SPIN1: variants seen among roughly 807,000 people sequenced by gnomAD.
SPIN1 encodes spindlin 1.
SPIN1 carries 3 observed loss-of-function variants against 26.0 expected under a neutral mutation model. The observed-to-expected ratio is 0.12, with a 90% CI of 0.05 to 0.30. SPIN1 has a LOEUF of 0.30. SPIN1 is among the 10% of genes least tolerant of loss of function. The pLI, the probability that SPIN1 is intolerant of heterozygous loss-of-function variation, is 1.00. For synonymous variants in SPIN1, 101 were observed against 116.5 expected (o/e 0.87, Z 0.86); for missense variants, 126 against 333.4 (o/e 0.38, Z 4.84).
intron 4 of SPIN1, among the ~76,000 whole-genome samples, chr9:88,464,052 C>A (rs1239705792): frequency 6.6e-6 from 1 of 152,128 alleles, no homozygotes; most frequent in African/African-American, 2.4e-5. Flanking sequence ...AGAAACTGTA[C>A]AAGTATCTCT....
At position 88,389,094 on chromosome 9, in the gene SPIN1, C is replaced by T. The variant is rs377721901; in HGVS notation, c.-159+556C>T. 1.3e-3 allele frequency among the ~76,000 whole-genome samples: 193 copies of T among 152,158 alleles called. 5 individuals are homozygous for T. The South Asian group carries it at 0.036, about 29-fold the overall frequency. ...GCCCTGGGGCCACCCCTCCCAGGCC[C>T]GGGGGATGGCCGCGGACCTTGTAAG... On this transcript the variant is annotated intron_variant, in intron 1 of 5. Transcript: ENST00000375859.
intron 2 of SPIN1, among the ~76,000 whole-genome samples, chr9:88,430,983 A>G (rs1176517708): frequency 6.6e-6 from 1 of 151,720 alleles, no homozygotes; most frequent in East Asian, 1.9e-4. Flanking sequence ...CCCAGGTTCA[A>G]GTGATTCTGC....
chr9:88,465,966 A>C (rs1490746040), intron 4 of SPIN1, among the ~76,000 whole-genome samples: 1 of 152,224 alleles, frequency 6.6e-6, no homozygotes, highest in Non-Finnish European at 1.5e-5. Flanking sequence ...GAGATTTGCA[A>C]AAATGTAAAA....
intron 2 of SPIN1, among the ~76,000 whole-genome samples, chr9:88,444,632 A>C (rs1055633841): frequency 1.3e-5 from 2 of 150,796 alleles, no homozygotes; most frequent in African/African-American, 4.9e-5. Context: ...AGGGATAGTG[A>C]TGGTGGTCAC....
At chr9:88,398,467 G>A (rs973408801) in intron 1 of SPIN1, among the ~76,000 whole-genome samples, 4 of 152,080 alleles carry the variant, frequency 2.6e-5, no homozygotes, top group Non-Finnish European at 5.9e-5. Context: ...GCTACCCTGT[G>A]CAGTAGCGAG....
intron 2 of SPIN1, among the ~76,000 whole-genome samples, chr9:88,448,508 C>T (rs1273022151): frequency 2.0e-5 from 3 of 149,990 alleles, no homozygotes; most frequent in Non-Finnish European, 4.4e-5. Flanking sequence ...CATACCACTA[C>T]ACTTGGCTTG....
intron 1 of SPIN1, chr9:88,415,720 A>G (rs1050341232): frequency 1.3e-5 from 2 of 151,942 alleles, no homozygotes; most frequent in African/African-American, 4.8e-5. Context: ...CACCCTGCCC[A>G]TTGTAACATT....
intron 1 of SPIN1, among the ~76,000 whole-genome samples, chr9:88,422,210 T>C (rs1376936200): frequency 6.6e-6 from 1 of 152,204 alleles, no homozygotes; most frequent in Non-Finnish European, 1.5e-5. Flanking sequence ...TGCAGGACCT[T>C]CTTCTTAATG....
Position 88,455,782 on chromosome 9 carries a change from A to G in SPIN1, c.102-6714A>G, listed in dbSNP as rs569720816. On this transcript the variant is annotated intron_variant, in intron 3 of 5. Coordinates refer to ENST00000375859, the MANE Select transcript of SPIN1 (RefSeq NM_006717.3). ...TGCTTGAGCCCAGGAGTTTGAGACC[A>G]GGCTGGGCAACATAGTGAGACCCTG... Among the ~76,000 whole-genome samples the G allele has an allele frequency of 1.4e-4, 21 of 152,270 alleles. No homozygotes were observed. The East Asian group carries it at 4.1e-3, about 29-fold the overall frequency.
intron 3 of SPIN1, among the ~76,000 whole-genome samples, chr9:88,458,968 T>C (rs528116644): frequency 2.0e-5 from 3 of 152,200 alleles, no homozygotes; most frequent in Non-Finnish European, 2.9e-5. Flanking sequence ...CAGAGACATC[T>C]AGAGTGGTGT....
At chr9:88,410,132 A>C (rs1827405249) in intron 1 of SPIN1, among the ~76,000 whole-genome samples, 1 of 147,020 alleles carries the variant, frequency 6.8e-6, no homozygotes, top group African/African-American at 2.6e-5. Flanking sequence ...ACTATCTTTC[A>C]AGTTATTTGA....
At chr9:88,415,438 T>G (rs1339556411) in intron 1 of SPIN1, among the ~76,000 whole-genome samples, 2 of 152,100 alleles carry the variant, frequency 1.3e-5, no homozygotes, top group African/African-American at 2.4e-5. Flanking sequence ...AACATTTATT[T>G]TTTGAGAAAG....
chr9:88,425,337 G>T (rs1481991526), intron 1 of SPIN1, among the ~76,000 whole-genome samples: 1 of 152,016 alleles, frequency 6.6e-6, no homozygotes, highest in South Asian at 2.1e-4. Flanking sequence ...TCATTGAGTG[G>T]TGAAACAGAC....
intron 1 of SPIN1, chr9:88,411,607 G>C (rs1246861706): frequency 1.8e-6 from 1 of 542,038 alleles, no homozygotes; most frequent in African/African-American, 1.9e-5. Flanking sequence ...TTGGCCTCCT[G>C]GGCTCAAGCT....
At chr9:88,473,663 A>ATGTGTGTGTGTG (rs758536638) in intron 5 of SPIN1, among the ~76,000 whole-genome samples, 145 of 151,622 alleles carry the variant, frequency 9.6e-4, no homozygotes, top group African/African-American at 3.3e-3. Flanking sequence ...GTGTGTGTGC[A>ATGTGTGTGTGTG]CGCGCTATGG....
intron 2 of SPIN1, among the ~76,000 whole-genome samples, chr9:88,448,082 T>TG (rs1418480641): frequency 2.6e-5 from 4 of 151,824 alleles, no homozygotes. Flanking sequence ...CTCACTCTGT[T>TG]GCCCAGGCTG....
At chr9:88,454,624 T>C (rs970090676) in intron 3 of SPIN1, among the ~76,000 whole-genome samples, 1 of 152,230 alleles carries the variant, frequency 6.6e-6, no homozygotes, top group Non-Finnish European at 1.5e-5. Flanking sequence ...TATAGAGTAG[T>C]GTATCATAAA....
intron 4 of SPIN1, among the ~76,000 whole-genome samples, chr9:88,464,044 A>G (rs1224332411): frequency 1.3e-5 from 2 of 152,206 alleles, no homozygotes; most frequent in African/African-American, 4.8e-5. Flanking sequence ...CGAAGGATAG[A>G]AACTGTACAA....
In SPIN1 at chr9:88,426,512, G is replaced by T. The variant is rs1587790935; in HGVS notation, c.-28G>T. On this transcript the variant is annotated 5_prime_UTR_variant, in exon 2 of 6. Transcript: ENST00000375859. ...ATTGAATTTTCACCCTAGTCCAGCA[G>T]CTCCGCTGCTCACTTAAATACAGAT... 1 of 1,605,676 alleles carries T rather than the reference G, an allele frequency of 6.2e-7. No individual in the cohort carries two copies.
Sources: allele counts gnomAD v4.1 joint callset (sites outside exome capture counted in the v4.1 genomes callset), GRCh38; gene constraint gnomAD v4.1.1; transcripts MANE v1.5; gene names NCBI Gene and HGNC (gene_info 2026-07-23, HGNC 2026-07-21).